The following PRDM9 variants were observed in gnomAD, a reference collection of about 807,000 sequenced individuals.
PRDM9 encodes PR/SET domain 9.
PRDM9 carries 47 observed loss-of-function variants against 55.6 expected under a neutral mutation model. The observed-to-expected ratio is 0.85, with a 90% CI of 0.67 to 1.08. The LOEUF (loss-of-function observed/expected upper bound fraction) is 1.08, where lower values mean the gene tolerates loss of function less well. PRDM9 is among the 50% of genes least tolerant of loss of function. The probability of loss-of-function intolerance (pLI) is 0.00; values close to 1 mark genes in which losing one functional copy is unlikely to be tolerated. For synonymous variants in PRDM9, 312 were observed against 375.7 expected (o/e 0.83, Z 1.96); for missense variants, 867 against 1,040.3 (o/e 0.83, Z 2.29).
intron 5 of PRDM9, among the ~76,000 whole-genome samples, chr5:23,520,540 A>G (rs962529291): frequency 2.6e-5 from 4 of 151,932 alleles, no homozygotes; most frequent in Admixed American, 1.3e-4. Flanking sequence ...CAACTTTGAC[A>G]TCATTTTCTT....
chr5:23,509,154 AGTGCTGCAGACTCCT>A (rs1739039569), intron 2 of PRDM9, 52 bp downstream of exon 2: 4 of 1,604,332 alleles, frequency 2.5e-6, no homozygotes, highest in Non-Finnish European at 3.4e-6. Context: ...TGATCTCTGG[AGTGCTGCAGACTCCT>A]GGCCTGTACC....
rs532392071 is a variant in PRDM9 at position 23,528,022 on chromosome 5, C to T, written c.*249C>T. 5 of 608,680 alleles carry T rather than the reference C, an allele frequency of 8.2e-6. No individual in the cohort carries two copies. Among genetic ancestry groups the T allele is most frequent in the African/African-American group, 7.4e-5 (4 of 54,020 alleles). 37.7% of individuals were successfully genotyped at this position (608,680 alleles called of 1,614,324 possible). On this transcript the variant is annotated 3_prime_UTR_variant, in exon 11 of 11. Transcript: ENST00000296682. ...TCAGCATGTGTGGTTCTTTCCCGCACTGATCCCCTCCATTTTTTGTTTGTT... is the reference window on the plus strand; with the variant it reads ...TCAGCATGTGTGGTTCTTTCCCGCATTGATCCCCTCCATTTTTTGTTTGTT...
At position 23,527,321 on chromosome 5, in the gene PRDM9, G is replaced by A. The variant is rs200775234; in HGVS notation, c.2233G>A (p.Glu745Lys). ...LLRHQRTHTGEKPYVCRECGR... is the reference protein window; with the variant it reads ...LLRHQRTHTGKKPYVCRECGR... Reference sequence around the variant, plus strand: ...CAGACACCAGAGGACACACACAGGGGAGAAGCCCTATGTCTGCAGGGAGTG... The same window carrying A: ...CAGACACCAGAGGACACACACAGGGAAGAAGCCCTATGTCTGCAGGGAGTG... The change falls in exon 11 of 11, where the codon GAG becomes AAG. Residue 745 changes from glutamate (E) to lysine (K), a missense_variant. This residue lies in a region of PRDM9 where 92 missense variants were observed against 185.7 expected (regional missense o/e 0.50). Transcript: ENST00000296682. The A allele has an allele frequency of 1.1e-3, 1,710 of 1,536,794 alleles. 8 individuals are homozygous for A. The highest frequency in any genetic ancestry group is 4.2e-3 in the Middle Eastern group (24 of 5,748).
At chr5:23,525,198 C>G (rs1739407706) in intron 10 of PRDM9, among the ~76,000 whole-genome samples, 1 of 152,162 alleles carries the variant, frequency 6.6e-6, no homozygotes, top group African/African-American at 2.4e-5. Context: ...GCCTGTGGGC[C>G]AAGGGTTCCA....
rs1473715516 is a variant in PRDM9, at chr5:23,526,678, A to C, written c.1590A>C (p.Gly530=). ...CAAAAGTCAAGTATGGAGAGTGTGG[A>C]CAAGGTTTCAGTGTTAAATCAGATG... is the stretch of plus-strand genomic sequence containing the variant. The part of the protein sequence containing the change: ...RIAKVKYGEC[G]QGFSVKSDVI... The change falls in exon 11 of 11, where the codon GGA becomes GGC. Residue 530 remains glycine, a synonymous_variant. Coordinates refer to ENST00000296682, the MANE Select transcript of PRDM9 (RefSeq NM_020227.4). The C allele has an allele frequency of 5.0e-6, 8 of 1,614,138 alleles. No individual in the cohort carries two copies. The highest frequency in any genetic ancestry group is 5.9e-6 in the Non-Finnish European group (7 of 1,180,058).
chr5:23,527,630 C>T lies in PRDM9; in HGVS notation c.2542C>T (p.Leu848Phe), dbSNP rs747822893. ...GGGCTTTCGCAATAAGTCACACCTC[C>T]TCAGACACCAGAGGACACACACAGG... ...GRGFRNKSHL[L>F]RHQRTHTGEK... is the part of the protein sequence containing the mutation. Residue 848 changes from leucine to phenylalanine, a missense_variant, in exon 11 of 11, where the codon CTC becomes TTC. Leu to Phe is a conservative substitution (Grantham distance 22, BLOSUM62 0). Around this residue, in one of 5 missense-constraint regions of PRDM9, gnomAD observed 86 missense variants for 73.6 expected, o/e 1.17. Coordinates refer to ENST00000296682, the MANE Select transcript of PRDM9 (RefSeq NM_020227.4). 1.3e-6 allele frequency: 2 copies of T among 1,525,612 alleles called. No individual in the cohort carries two copies. The highest frequency in any genetic ancestry group is 2.4e-5 in the South Asian group (2 of 84,136). The allele number at this position is 1,525,612 out of a possible 1,614,324, so 94.5% of individuals were successfully genotyped here.
intron 4 of PRDM9, among the ~76,000 whole-genome samples, chr5:23,517,079 C>T (rs191909534): frequency 2.7e-3 from 392 of 147,738 alleles, no homozygotes; most frequent in African/African-American, 9.1e-3. Context: ...CATGAACCCA[C>T]GAGGCGGAGC....
rs1739508944 is a variant in PRDM9, at chr5:23,527,798, C to T, written c.*25C>T. The T allele has an allele frequency of 6.2e-7, 1 of 1,613,724 alleles. No homozygotes were observed. Among genetic ancestry groups the T allele is most frequent in the Non-Finnish European group, 8.5e-7 (1 of 1,179,732 alleles). ...AGTCATTAGTAATAAAACCTCATCTCAATAGCCACAAAAAGACAAATGTGG... is the reference window on the plus strand; with the variant it reads ...AGTCATTAGTAATAAAACCTCATCTTAATAGCCACAAAAAGACAAATGTGG... On this transcript the variant is annotated 3_prime_UTR_variant, in exon 11 of 11. Coordinates refer to ENST00000296682, the MANE Select transcript of PRDM9 (RefSeq NM_020227.4).
chr5:23,522,997 T>C, intron 8 of PRDM9, 112 bp downstream of exon 8: 2 of 1,563,814 alleles, frequency 1.3e-6, no homozygotes, highest in Non-Finnish European at 8.8e-7. Context: ...CATGGTTAGC[T>C]CTGTGTACTC....
At chr5:23,516,725 T>C (rs1270927881) in intron 4 of PRDM9, among the ~76,000 whole-genome samples, 1 of 125,310 alleles carries the variant, frequency 8.0e-6, no homozygotes, top group African/African-American at 2.9e-5. Context: ...TATAGTTTTC[T>C]TTTTTTTTTT....
intron 2 of PRDM9, among the ~76,000 whole-genome samples, 174 bp downstream of exon 2, chr5:23,509,276 T>G (rs1352580697): frequency 6.6e-6 from 1 of 152,134 alleles, no homozygotes; most frequent in African/African-American, 2.4e-5. Context: ...GACTGCTCTG[T>G]GTCAGCAGAG....
At chr5:23,519,980 G>T (rs2126422891) in intron 5 of PRDM9, among the ~76,000 whole-genome samples, 1 of 151,602 alleles carries the variant, frequency 6.6e-6, no homozygotes, top group Non-Finnish European at 1.5e-5. Context: ...GGAGGTGAAG[G>T]CTGCAGTGAG....
chr5:23,526,706 A>T lies in PRDM9; in HGVS notation c.1618A>T (p.Ile540Phe), dbSNP rs749997388. 1.2e-6 allele frequency: 2 copies of T among 1,614,134 alleles called. No individual in the cohort carries two copies. The highest frequency in any genetic ancestry group is 2.7e-5 in the African/African-American group (2 of 74,942). ...GQGFSVKSDV[I>F]THQRTHTGEK... ...AGGTTTCAGTGTTAAATCAGATGTTATTACACACCAAAGGACACATACAGG... is the reference window on the plus strand; with the variant it reads ...AGGTTTCAGTGTTAAATCAGATGTTTTTACACACCAAAGGACACATACAGG... Residue 540 changes from isoleucine to phenylalanine, a missense_variant, in exon 11 of 11, where the codon ATT becomes TTT. Transcript: ENST00000296682.
intron 4 of PRDM9, among the ~76,000 whole-genome samples, chr5:23,514,575 C>T (rs190224969): frequency 4.9e-4 from 74 of 152,050 alleles, no homozygotes; most frequent in Non-Finnish European, 8.1e-4. Flanking sequence ...CAGCCCCCCA[C>T]GTAGCTGGGA....
rs1209389712 is a variant in PRDM9, at chr5:23,517,924, C to G, written c.345C>G (p.His115Gln). The G allele has an allele frequency of 6.3e-7, 1 of 1,596,646 alleles. No homozygotes were observed. Among genetic ancestry groups the G allele is most frequent in the Non-Finnish European group, 8.6e-7 (1 of 1,164,258 alleles). The part of the protein sequence containing the change: ...WMALRVEQRK[H>Q]QKGMPKASFS... ...CCTTAAGAGTGGAACAGCGTAAACA[C>G]CAGAAGGTAAGTATTTCCCAAATCC... Residue 115 changes from histidine to glutamine, a missense_variant, in exon 5 of 11, where the codon CAC becomes CAG. By Grantham distance (24) the His-to-Gln change is conservative. Transcript: ENST00000296682.
intron 3 of PRDM9, 84 bp downstream of exon 3, chr5:23,509,677 T>C (rs2126406156): frequency 6.2e-7 from 1 of 1,604,218 alleles, no homozygotes; most frequent in Admixed American, 1.7e-5. Context: ...TCTCAGGTGG[T>C]GGCATCTGCC....
intron 4 of PRDM9, among the ~76,000 whole-genome samples, chr5:23,513,229 C>T (rs1739135614): frequency 6.6e-6 from 1 of 152,070 alleles, no homozygotes; most frequent in Non-Finnish European, 1.5e-5. Flanking sequence ...GTGTCTGCAC[C>T]ATTTTACATT....
At position 23,527,413 on chromosome 5, in the gene PRDM9, C is replaced by G. The variant is rs1409474406; in HGVS notation, c.2325C>G (p.Pro775=). ...RHQRTHTGEK[P]YVCRECGRGF... Reference sequence around the variant, plus strand: ...AGAGGACACACACAGGGGAGAAGCCCTATGTCTGCAGGGAGTGTGGGCGGG... The same window carrying G: ...AGAGGACACACACAGGGGAGAAGCCGTATGTCTGCAGGGAGTGTGGGCGGG... The change falls in exon 11 of 11, where the codon CCC becomes CCG. Residue 775 remains proline (P), a synonymous_variant. Transcript: ENST00000296682. 6.3e-7 allele frequency: 1 copy of G among 1,594,954 alleles called. No homozygotes were observed. Among genetic ancestry groups the G allele is most frequent in the African/African-American group, 1.4e-5 (1 of 69,084 alleles).
chr5:23,523,747 C>T (rs1332481438), intron 9 of PRDM9, among the ~76,000 whole-genome samples: 1 of 152,136 alleles, frequency 6.6e-6, no homozygotes, highest in Non-Finnish European at 1.5e-5. Context: ...AGCCCCTTTC[C>T]ACAATGGGCT....
Sources: gnomAD v4.1 joint callset for allele counts (sites outside exome capture counted in the v4.1 genomes callset) on GRCh38, gnomAD v4.1.1 for gene constraint, gnomAD v4.1.1 regional missense constraint, MANE v1.5 for transcripts, NCBI Gene and HGNC (gene_info 2026-07-23, HGNC 2026-07-21) for gene names.